The following CD99 variants were observed in gnomAD, a reference collection of about 807,000 sequenced individuals.
The protein encoded by CD99 is CD99 molecule (Xg blood group), also known as CD99 antigen.
A neutral mutation model predicts 28.4 loss-of-function variants in CD99; 19 were observed. The observed-to-expected ratio is 0.67, with a 90% confidence interval of 0.47 to 0.98. The LOEUF is 0.98. Among genes scored for constraint, CD99 ranks in the 50% least tolerant of loss-of-function variants. The pLI is 0.00. For synonymous variants in CD99, 103 were observed against 92.1 expected (o/e 1.12, Z -0.67); for missense variants, 283 against 248.8 (o/e 1.14, Z -0.92).
At chrX:2,713,627 A>C in intron 1 of CD99, among the ~76,000 whole-genome samples, 1 of 152,176 alleles carries the variant, frequency 6.6e-6, no homozygotes, top group East Asian at 1.9e-4. Context: ...CTGTTGTGGA[A>C]CTGGACACAC....
At chrX:2,694,080 C>T (rs1396398058) in intron 1 of CD99, among the ~76,000 whole-genome samples, 2 of 152,126 alleles carry the variant, frequency 1.3e-5, no homozygotes, top group African/African-American at 2.4e-5. Context: ...AGGAGCCTGC[C>T]GTCCCGACAG....
At chrX:2,691,614 T>C in intron 1 of CD99, 187 bp downstream of exon 1, 1 of 724,222 alleles carries the variant, frequency 1.4e-6, no homozygotes, top group East Asian at 2.7e-5. Context: ...CCCAACGCTT[T>C]TCCTGGAGCC....
rs745344101 is a variant in CD99 at position 2,717,638 on chromosome X, A to G, written c.134A>G (p.Lys45Arg). 2 of 1,613,664 alleles carry G rather than the reference A, an allele frequency of 1.2e-6. No individual in the cohort carries two copies. The highest frequency in any genetic ancestry group is 1.7e-5 in the Admixed American group (1 of 59,990). The change falls in exon 3 of 10, where the codon AAG (lysine) becomes AGG (arginine). Residue 45 changes from lysine (K) to arginine (R), a missense_variant. Transcript: ENST00000381192. ...AACAAGAAACCCACTGCAATCCCCA[A>G]GAAACCCAGTGCTGGTGAGAAGGGC... ...NENKKPTAIP[K>R]KPSAGDDFDL...
intron 2 of CD99, chrX:2,715,730 C>G (rs2048674985): frequency 6.6e-6 from 1 of 152,366 alleles, no homozygotes; most frequent in Admixed American, 6.6e-5. Flanking sequence ...AGGGGAGGAT[C>G]CTTCCTGCTT....
intron 1 of CD99, among the ~76,000 whole-genome samples, chrX:2,705,652 T>G (rs2048078149): frequency 6.6e-6 from 1 of 152,104 alleles, no homozygotes; most frequent in Non-Finnish European, 1.5e-5. Flanking sequence ...ATTCAAGCCA[T>G]TGTTACTAAT....
intron 3 of CD99, 64 bp downstream of exon 3, chrX:2,717,716 C>CG: frequency 6.8e-7 from 1 of 1,463,216 alleles, no homozygotes; most frequent in Non-Finnish European, 9.6e-7. Flanking sequence ...GACAGCAGGA[C>CG]GGGACTTAGG....
At chrX:2,698,167 C>CT (rs372713317) in intron 1 of CD99, among the ~76,000 whole-genome samples, 5 of 149,322 alleles carry the variant, frequency 3.3e-5, no homozygotes, top group African/African-American at 1.2e-4. Context: ...GGCTTGCAAT[C>CT]TTTTTTTTTC....
intron 1 of CD99, among the ~76,000 whole-genome samples, chrX:2,710,557 T>C (rs1274853135): frequency 6.6e-6 from 1 of 151,874 alleles, no homozygotes; most frequent in Non-Finnish European, 1.5e-5. Context: ...TTTAACATTC[T>C]GACAGTTCTG....
intron 8 of CD99, among the ~76,000 whole-genome samples, chrX:2,727,537 C>T (rs28695573): frequency 0.031 from 4,787 of 152,180 alleles, 264 homozygotes; most frequent in African/African-American, 0.11. Context: ...AGTGCAGTGG[C>T]GCAATCTCAG....
intron 7 of CD99, 38 bp from the exon 8 acceptor site, chrX:2,726,222 C>CGTGTCTCAATCA (rs1569444964): frequency 2.4e-6 from 3 of 1,254,248 alleles, no homozygotes; most frequent in Non-Finnish European, 3.5e-6. Context: ...CTGCACCGTG[C>CGTGTCTCAATCA]GTGTCTCAAT....
intron 1 of CD99, among the ~76,000 whole-genome samples, chrX:2,694,626 G>A (rs1038121559): frequency 2.0e-5 from 3 of 151,972 alleles, no homozygotes; most frequent in Admixed American, 2.0e-4. Context: ...GGTGGTGAGC[G>A]CCTATAATCC....
intron 1 of CD99, among the ~76,000 whole-genome samples, chrX:2,702,130 A>G (rs59182817): frequency 0.014 from 2,139 of 152,324 alleles, 52 homozygotes; most frequent in African/African-American, 0.049. Flanking sequence ...CACCTCTGGT[A>G]ATACTTGTGA....
intron 8 of CD99, 57 bp downstream of exon 8, chrX:2,726,430 C>T (rs760990686): frequency 8.5e-7 from 1 of 1,173,536 alleles, no homozygotes; most frequent in Non-Finnish European, 1.3e-6. Flanking sequence ...GAAAACTGTG[C>T]TTTCTTTAAA....
chrX:2,698,275 A>G (rs971276583), intron 1 of CD99, among the ~76,000 whole-genome samples: 4 of 149,822 alleles, frequency 2.7e-5, no homozygotes, highest in African/African-American at 7.4e-5. Flanking sequence ...GTGCAGGTGA[A>G]TCTCTCACCT....
chrX:2,695,030 T>C (rs1280787686), intron 1 of CD99, among the ~76,000 whole-genome samples: 16 of 152,166 alleles, frequency 1.1e-4, no homozygotes, highest in Non-Finnish European at 2.2e-4. Flanking sequence ...GACTCAGATA[T>C]CTTCCCCCGG....
chrX:2,717,396 A>G (rs1439216586), intron 2 of CD99: 31 of 579,376 alleles, frequency 5.4e-5, no homozygotes, highest in Non-Finnish European at 6.3e-5. Context: ...TCTCTGTGGA[A>G]ACCATGGCCG....
intron 7 of CD99, 120 bp downstream of exon 7, chrX:2,723,484 G>A: frequency 8.6e-7 from 1 of 1,160,958 alleles, no homozygotes; most frequent in Non-Finnish European, 1.3e-6. Context: ...CTGGCAGGAG[G>A]CACGGGTGTT....
intron 8 of CD99, chrX:2,733,443 G>A: frequency 1.3e-6 from 2 of 1,508,710 alleles, no homozygotes; most frequent in Non-Finnish European, 1.8e-6. Context: ...CTAAGACATA[G>A]CCTTAAAGCA....
At chrX:2,723,176 G>T in intron 6 of CD99, 138 bp from the exon 7 acceptor site, 1 of 854,602 alleles carries the variant, frequency 1.2e-6, no homozygotes, top group Non-Finnish European at 2.0e-6. Flanking sequence ...GTAATAGGCA[G>T]GACCCCAGCT....
Sources: gnomAD v4.1 joint callset for allele counts (sites outside exome capture counted in the v4.1 genomes callset) on GRCh38, gnomAD v4.1.1 for gene constraint, MANE v1.5 for transcripts, NCBI Gene and HGNC (gene_info 2026-07-23, HGNC 2026-07-21) for gene names.